Variants in ZNF596 observed in about 807,000 individuals in gnomAD.
The protein encoded by ZNF596 is zinc finger protein 596.
In ZNF596, 45 loss-of-function variants were observed where a neutral mutation model predicts 48.3. The ratio of observed to expected loss-of-function variants is 0.93; its 90% CI spans 0.73 to 1.19. The LOEUF (loss-of-function observed/expected upper bound fraction) is 1.19, where lower values mean the gene tolerates loss of function less well. ZNF596 is among the 50% of genes most tolerant of loss of function. The pLI, the probability that ZNF596 is intolerant of heterozygous loss-of-function variation, is 0.00. For missense variants in ZNF596, 848 were observed against 599.7 expected (o/e 1.41, Z -4.32); for synonymous variants, 270 against 202.0 (o/e 1.34, Z -2.85).
rs760532695 is a variant in ZNF596, at chr8:246,271, A to G, written c.1424A>G (p.Tyr475Cys). 4.3e-6 allele frequency: 7 copies of G among 1,612,862 alleles called. No individual in the cohort carries two copies. The highest frequency in any genetic ancestry group is 1.7e-4 in the Middle Eastern group (1 of 6,058). Residue 475 changes from tyrosine to cysteine, a missense_variant, in exon 6 of 6, where the codon TAT (tyrosine) becomes TGT (cysteine). Physicochemically the swap from Tyr to Cys is radical, Grantham distance 194. Coordinates refer to ENST00000398612, the MANE Select transcript of ZNF596 (RefSeq NM_001042416.3). ...AGAGTTCACACTGGAGAGAAACCAT[A>G]TGTATGTCCTCTATGTGGGAAAGCC... ...HRRVHTGEKP[Y>C]VCPLCGKAFS...
At position 245,755 on chromosome 8, in the gene ZNF596, G is replaced by C; in HGVS notation, c.908G>C (p.Gly303Ala). ...AGAAAACATGAGAGAACTCACTTAG[G>C]AGATAAACCATATGGATGTCTCCTA... ...DLRKHERTHL[G>A]DKPYGCLLCG... Residue 303 changes from glycine (G) to alanine (A), a missense_variant, in exon 6 of 6, where the codon GGA becomes GCA. By Grantham distance (60) the Gly-to-Ala change is moderately conservative (BLOSUM62 0). Transcript: ENST00000398612. 6.2e-7 allele frequency: 1 copy of C among 1,614,078 alleles called. No individual in the cohort carries two copies. Among genetic ancestry groups the C allele is most frequent in the Non-Finnish European group, 8.5e-7 (1 of 1,180,004 alleles).
intron 1 of ZNF596, 60 bp downstream of exon 1, chr8:232,754 T>A: frequency 2.4e-6 from 1 of 419,786 alleles, no homozygotes; most frequent in Non-Finnish European, 4.9e-6. Context: ...TCTTGGCCCC[T>A]CAGGGCAGCC....
At chr8:239,174 G>A (rs556709723) in intron 1 of ZNF596, among the ~76,000 whole-genome samples, 1 of 152,124 alleles carries the variant, frequency 6.6e-6, no homozygotes, top group Non-Finnish European at 1.5e-5. Flanking sequence ...AAAAATTGGA[G>A]GGTCCTAAGA....
chr8:233,160 C>A, intron 1 of ZNF596: 2 of 466,848 alleles, frequency 4.3e-6, no homozygotes, highest in Non-Finnish European at 8.8e-6. Context: ...TTTGAACAAA[C>A]ACCGACAATG....
chr8:234,178 G>A (rs1796534953), intron 1 of ZNF596, among the ~76,000 whole-genome samples: 1 of 152,198 alleles, frequency 6.6e-6, no homozygotes, highest in Non-Finnish European at 1.5e-5. Context: ...AAAAAGCCTT[G>A]CCCATTCTCA....
rs1796449899 is a variant in ZNF596 at position 232,600 on chromosome 8, G to C, written c.-167G>C. 6.2e-6 allele frequency: 2 copies of C among 322,666 alleles called. No homozygotes were observed. The highest frequency in any genetic ancestry group is 9.8e-5 in the Admixed American group (2 of 20,358). 20.0% of individuals were successfully genotyped at this position (322,666 alleles called of 1,614,324 possible). On this transcript the variant is annotated 5_prime_UTR_variant, in exon 1 of 6. Coordinates refer to ENST00000398612, the MANE Select transcript of ZNF596 (RefSeq NM_001042416.3). ...CCTGTCGCCCAGCTGCCAGATCTGC[G>C]TCTGTGTCCGGTTCCGTCACTGAGG...
At chr8:241,493 T>A (rs1443042821) in intron 2 of ZNF596, among the ~76,000 whole-genome samples, 1 of 152,180 alleles carries the variant, frequency 6.6e-6, no homozygotes, top group East Asian at 1.9e-4. Flanking sequence ...AAAAGCAAAA[T>A]TAAAATTCTT....
chr8:234,774 C>G (rs1309843841), intron 1 of ZNF596: 1 of 152,140 alleles, frequency 6.6e-6, no homozygotes, highest in Non-Finnish European at 1.5e-5. Context: ...TTGTGAAGTT[C>G]CATTCGGGGG....
At chr8:240,599 T>G (rs977556215) in intron 1 of ZNF596, 1 of 399,270 alleles carries the variant, frequency 2.5e-6, no homozygotes, top group Non-Finnish European at 4.5e-6. Context: ...CATATGAAAC[T>G]CCATGATTTT....
At position 246,244 on chromosome 8, in the gene ZNF596, G is replaced by A; in HGVS notation, c.1397G>A (p.Arg466Lys). The change falls in exon 6 of 6, where the codon AGA (arginine) becomes AAA (lysine). Residue 466 changes from arginine to lysine, a missense_variant. Arg to Lys is a conservative substitution (Grantham distance 26). Transcript: ENST00000398612. Reference protein sequence around the residue: ...FNRSYNFRLHRRVHTGEKPYV... With the variant: ...FNRSYNFRLHKRVHTGEKPYV... ...AGAAGTTACAACTTTAGACTTCATAGAAGAGTTCACACTGGAGAGAAACCA... is the reference window on the plus strand; with the variant it reads ...AGAAGTTACAACTTTAGACTTCATAAAAGAGTTCACACTGGAGAGAAACCA... 2.5e-6 allele frequency: 4 copies of A among 1,611,512 alleles called. No homozygotes were observed. Among genetic ancestry groups the A allele is most frequent in the African/African-American group, 1.3e-5 (1 of 74,728 alleles).
intron 4 of ZNF596, chr8:244,176 C>T (rs558900643): frequency 1.4e-5 from 3 of 210,574 alleles, no homozygotes; most frequent in African/African-American, 7.1e-5. Flanking sequence ...AGTCATGAAC[C>T]ACCACGCCCA....
intron 1 of ZNF596, among the ~76,000 whole-genome samples, chr8:235,499 A>G (rs1007409554): frequency 6.6e-6 from 1 of 151,676 alleles, no homozygotes; most frequent in African/African-American, 2.4e-5. Context: ...TTAGATTTGG[A>G]TAAAATGACA....
intron 3 of ZNF596, 120 bp from the exon 4 acceptor site, chr8:243,602 C>G (rs904053807): frequency 2.3e-6 from 2 of 862,350 alleles, no homozygotes; most frequent in Non-Finnish European, 3.7e-6. Context: ...TCAAGGTACT[C>G]TTCCCAGGCT....
intron 1 of ZNF596, among the ~76,000 whole-genome samples, chr8:236,827 G>A (rs1184685663): frequency 6.6e-6 from 1 of 152,156 alleles, no homozygotes. Context: ...AAATTGTATT[G>A]ATGATTTTTG....
chr8:240,839 G>A lies in ZNF596; in HGVS notation c.-57G>A. 3.1e-6 allele frequency: 5 copies of A among 1,609,792 alleles called. No homozygotes were observed. Among genetic ancestry groups the A allele is most frequent in the Non-Finnish European group, 4.3e-6 (5 of 1,176,180 alleles). On this transcript the variant is annotated 5_prime_UTR_variant, in exon 2 of 6. Transcript: ENST00000398612. Reference sequence around the variant, plus strand: ...TTTTGCTCAGATTTGTCTTCTTAGTGCTTGGATGGTGTGAGTGAAAACCCA... The same window carrying A: ...TTTTGCTCAGATTTGTCTTCTTAGTACTTGGATGGTGTGAGTGAAAACCCA...
intron 1 of ZNF596, among the ~76,000 whole-genome samples, chr8:236,672 T>A (rs973284270): frequency 1.3e-5 from 2 of 152,216 alleles, no homozygotes. Flanking sequence ...TTTTTTAATC[T>A]TTAAAATTAC....
In ZNF596 at chr8:245,895, C is replaced by A. The variant is rs141773746; in HGVS notation, c.1048C>A (p.Leu350Ile). 889 of 1,613,790 alleles carry A rather than the reference C, an allele frequency of 5.5e-4. No homozygotes were observed. The highest frequency in any genetic ancestry group is 7.2e-4 in the Non-Finnish European group (854 of 1,179,980). The part of the protein sequence containing the change: ...CGKAFSHCSH[L>I]RQHERSHNGE... ...AAAAGCCTTCTCTCATTGTTCTCAC[C>A]TTAGACAACATGAGCGAAGTCACAA... The change falls in exon 6 of 6, where the codon CTT (leucine) becomes ATT (isoleucine). Residue 350 changes from leucine (L) to isoleucine (I), a missense_variant. Physicochemically the swap from Leu to Ile is conservative, Grantham distance 5. Coordinates refer to ENST00000398612, the MANE Select transcript of ZNF596 (RefSeq NM_001042416.3).
At chr8:234,550 T>G (rs1229848332) in intron 1 of ZNF596, 1 of 152,186 alleles carries the variant, frequency 6.6e-6, no homozygotes, top group Non-Finnish European at 1.5e-5. Context: ...AGAAAGAAGC[T>G]CAGAGAACAA....
chr8:243,494 T>G (rs1796935835), intron 3 of ZNF596: 2 of 431,340 alleles, frequency 4.6e-6, no homozygotes, highest in Non-Finnish European at 8.4e-6. Context: ...AATCAGTATT[T>G]GAAGTGAGGC....
Sources: allele counts gnomAD v4.1 joint callset (sites outside exome capture counted in the v4.1 genomes callset), GRCh38; gene constraint gnomAD v4.1.1; transcripts MANE v1.5; gene names NCBI Gene and HGNC (gene_info 2026-07-23, HGNC 2026-07-21).